The following FOXP2 variants were observed in gnomAD, a reference collection of about 807,000 sequenced individuals.
FOXP2 encodes the protein forkhead box P2, also known as forkhead box protein P2.
FOXP2 carries 12 observed loss-of-function variants against 115.8 expected under a neutral mutation model. That is an observed-to-expected ratio of 0.10 (90% confidence interval 0.07 to 0.17). The LOEUF (loss-of-function observed/expected upper bound fraction) is 0.17, where lower values mean the gene tolerates loss of function less well. Among genes scored for constraint, FOXP2 ranks in the 10% least tolerant of loss-of-function variants. The pLI is 1.00. For missense variants in FOXP2, 629 were observed against 843.5 expected, an observed-to-expected ratio of 0.75 and a Z score of 3.15; for synonymous variants, 328 against 297.7, an observed-to-expected ratio of 1.10 and a Z score of -1.05.
chr7:114,447,392 C>T (rs1794881013), intron 2 of FOXP2, among the ~76,000 whole-genome samples: 1 of 151,570 alleles, frequency 6.6e-6, no homozygotes, highest in Non-Finnish European at 1.5e-5. Flanking sequence ...TTATAAAGGC[C>T]ACTGTGCCTA....
intron 3 of FOXP2, among the ~76,000 whole-genome samples, chr7:114,537,429 A>G (rs1264784466): frequency 6.6e-6 from 1 of 151,482 alleles, no homozygotes; most frequent in Admixed American, 6.6e-5. Context: ...CTATTTTATA[A>G]AGTTTGAAAG....
intron 1 of FOXP2, among the ~76,000 whole-genome samples, chr7:114,264,109 A>T: frequency 6.6e-6 from 1 of 151,980 alleles, no homozygotes; most frequent in Non-Finnish European, 1.5e-5. Context: ...GTGAGGTCAA[A>T]ACTCTTTAAT....
intron 1 of FOXP2, among the ~76,000 whole-genome samples, chr7:114,141,441 T>C (rs949601883): frequency 5.3e-5 from 8 of 152,200 alleles, no homozygotes; most frequent in Non-Finnish European, 8.8e-5. Context: ...GTTCCTCTAT[T>C]TGGTGACTTA....
chr7:114,337,740 A>G (rs570349739), intron 2 of FOXP2, among the ~76,000 whole-genome samples: 1 of 151,296 alleles, frequency 6.6e-6, no homozygotes, highest in Non-Finnish European at 1.5e-5. Context: ...TGAAAAATGA[A>G]AATAGACTGT....
intron 3 of FOXP2, among the ~76,000 whole-genome samples, chr7:114,563,883 T>C (rs1300900564): frequency 2.4e-5 from 3 of 125,208 alleles, no homozygotes. Context: ...CTTTACTCTC[T>C]CACTCAGGTA....
In FOXP2 at chr7:114,342,451, T is replaced by C. The variant is rs893910035; in HGVS notation, c.-11+54342T>C. Reference sequence around the variant, plus strand: ...CTAATCATTGGACCTTTTCATATTTTATCTTATTACATTTATAAACATATT... The same window carrying C: ...CTAATCATTGGACCTTTTCATATTTCATCTTATTACATTTATAAACATATT... On this transcript the variant is annotated intron_variant, in intron 2 of 17. Transcript: ENST00000634411. Among the ~76,000 whole-genome samples, 3 of 151,446 alleles carry C rather than the reference T, an allele frequency of 2.0e-5. No individual in the cohort carries two copies. In the East Asian group the frequency reaches 5.8e-4, roughly 29 times the overall value.
At position 114,341,078 on chromosome 7, in the gene FOXP2, T is replaced by A. The variant is rs1791193364; in HGVS notation, c.-11+52969T>A. Among the ~76,000 whole-genome samples the A allele has an allele frequency of 2.0e-5, 3 of 151,392 alleles. No individual in the cohort carries two copies. In the South Asian group the frequency reaches 6.2e-4, roughly 31 times the overall value. ...AACTTATTTATCTGGAAAGCATAAA[T>A]TATTACTTAGCACTGAATAATCGCA... On this transcript the variant is annotated intron_variant, in intron 2 of 17. Transcript: ENST00000634411.
At chr7:114,560,656 A>G (rs1049154575) in intron 3 of FOXP2, among the ~76,000 whole-genome samples, 11 of 152,082 alleles carry the variant, frequency 7.2e-5, no homozygotes, top group African/African-American at 2.7e-4. Flanking sequence ...TATAATAGCA[A>G]TTTTTAATTA....
At chr7:114,205,989 G>T (rs1794192856) in intron 1 of FOXP2, among the ~76,000 whole-genome samples, 1 of 152,140 alleles carries the variant, frequency 6.6e-6, no homozygotes, top group South Asian at 2.1e-4. Flanking sequence ...TGGCAGTTTG[G>T]GAGGCCAAGG....
intron 16 of FOXP2, among the ~76,000 whole-genome samples, chr7:114,678,104 A>G (rs1807874191): frequency 6.6e-6 from 1 of 152,194 alleles, no homozygotes; most frequent in Non-Finnish European, 1.5e-5. Context: ...TGTAATTTTG[A>G]GTTAGGCTTA....
chr7:114,655,319 C>G (rs985270122), intron 10 of FOXP2, among the ~76,000 whole-genome samples: 11 of 151,980 alleles, frequency 7.2e-5, no homozygotes, highest in Admixed American at 6.6e-5. Flanking sequence ...AAAACTCCAG[C>G]AGCATGGTTA....
At chr7:114,087,686 G>T (rs1045766681), upstream of FOXP2, 1 of 149,672 alleles carries the variant, frequency 6.7e-6, no homozygotes, top group African/African-American at 2.4e-5. Context: ...CGCCACCCGC[G>T]CGTTTTCTGC....
chr7:114,149,814 G>A (rs1792483340), intron 1 of FOXP2, among the ~76,000 whole-genome samples: 1 of 151,990 alleles, frequency 6.6e-6, no homozygotes, highest in Non-Finnish European at 1.5e-5. Context: ...CGCTCATGTT[G>A]AGTTGAATTT....
At chr7:114,538,072 T>G (rs2129279475) in intron 3 of FOXP2, among the ~76,000 whole-genome samples, 1 of 151,744 alleles carries the variant, frequency 6.6e-6, no homozygotes. Flanking sequence ...ATGAGGAAAG[T>G]TAGCCAAAAA....
chr7:114,350,648 G>A (rs1444752921), intron 2 of FOXP2, among the ~76,000 whole-genome samples: 1 of 152,036 alleles, frequency 6.6e-6, no homozygotes, highest in East Asian at 1.9e-4. Context: ...GAGACCAGTA[G>A]CAACTAAGAA....
At chr7:114,537,138 A>T (rs1471338940) in intron 3 of FOXP2, among the ~76,000 whole-genome samples, 8 of 151,586 alleles carry the variant, frequency 5.3e-5, no homozygotes, top group Non-Finnish European at 1.2e-4. Context: ...CAATAATTTG[A>T]TATGAAATTA....
Position 114,693,432 on chromosome 7 carries a change from A to C in FOXP2, c.*3506A>C. ...ATATTTTGTAAAGTTTTCAAGTTGGACATTTACATTTTTGAGAATTTTGAG... is the reference window on the plus strand; with the variant it reads ...ATATTTTGTAAAGTTTTCAAGTTGGCCATTTACATTTTTGAGAATTTTGAG... On this transcript the variant is annotated 3_prime_UTR_variant, in exon 17 of 17. Transcript: ENST00000350908. The C allele has an allele frequency of 2.2e-6, 1 of 453,518 alleles. No individual in the cohort carries two copies. 28.1% of individuals were successfully genotyped at this position (453,518 alleles called of 1,614,324 possible). A position where few individuals can be genotyped will look rare whatever the true frequency, so the allele number is the denominator to read the frequency against.
At chr7:114,683,428 C>CT (rs759549508) in intron 16 of FOXP2, among the ~76,000 whole-genome samples, 14 of 152,156 alleles carry the variant, frequency 9.2e-5, no homozygotes, top group South Asian at 4.1e-4. Context: ...TTTGTCTTTG[C>CT]TGTGCCTGTA....
At chr7:114,096,154 C>T (rs1228945093) in intron 1 of FOXP2, among the ~76,000 whole-genome samples, 1 of 152,170 alleles carries the variant, frequency 6.6e-6, no homozygotes, top group East Asian at 1.9e-4. Context: ...TCACCATCAG[C>T]TCACTATGCA....
Sources: allele counts gnomAD v4.1 joint callset (sites outside exome capture counted in the v4.1 genomes callset), GRCh38; gene constraint gnomAD v4.1.1; transcripts MANE v1.5; gene names NCBI Gene and HGNC (gene_info 2026-07-23, HGNC 2026-07-21).